Variants in REDIC1 observed in about 807,000 individuals in gnomAD.
The protein encoded by REDIC1 is HEI10 Interacting Protein 1.
chr12:39,872,265 A>C, the REDIC1 span, among the ~76,000 whole-genome samples: 1 of 152,214 alleles, frequency 6.6e-6, no homozygotes, highest in East Asian at 1.9e-4. Context: ...AGTTTCACTA[A>C]AACTGTATCA....
chr12:39,836,287 T>C, the REDIC1 span, among the ~76,000 whole-genome samples: 1 of 152,096 alleles, frequency 6.6e-6, no homozygotes, highest in African/African-American at 2.4e-5. Flanking sequence ...AATGCAGATA[T>C]ATTAGAAACT....
the REDIC1 span, among the ~76,000 whole-genome samples, chr12:39,631,770 A>T: frequency 2.0e-5 from 3 of 152,212 alleles, no homozygotes; most frequent in South Asian, 6.2e-4. Flanking sequence ...GTTGATTAAA[A>T]GTTCAACAGT....
the REDIC1 span, among the ~76,000 whole-genome samples, chr12:39,795,210 G>C: frequency 9.3e-4 from 140 of 151,250 alleles, 1 homozygote; most frequent in African/African-American, 3.2e-3. Flanking sequence ...CTCTCTCTGT[G>C]TGTGTCACAT....
chr12:39,711,361 A>T, the REDIC1 span, among the ~76,000 whole-genome samples: 1 of 147,094 alleles, frequency 6.8e-6, no homozygotes, highest in Non-Finnish European at 1.5e-5. Flanking sequence ...GTATATATAC[A>T]TATATACACA....
the REDIC1 span, among the ~76,000 whole-genome samples, chr12:39,665,326 G>A: frequency 6.6e-6 from 1 of 152,164 alleles, no homozygotes; most frequent in Non-Finnish European, 1.5e-5. Context: ...TTATTAAATA[G>A]GGAATCGTTT....
chr12:39,733,069 G>GCACACACACACACACA, the REDIC1 span, among the ~76,000 whole-genome samples: 68 of 148,450 alleles, frequency 4.6e-4, 1 homozygote, highest in South Asian at 9.2e-3. Context: ...GCAGAAAAAT[G>GCACACACACACACACA]CACACACACA....
chr12:39,750,074 CA>C, the REDIC1 span, among the ~76,000 whole-genome samples: 32 of 152,170 alleles, frequency 2.1e-4, no homozygotes. Flanking sequence ...CCAGGGCAAT[CA>C]GGCAGGAGAA....
the REDIC1 span, among the ~76,000 whole-genome samples, chr12:39,732,173 CT>C: frequency 2.6e-5 from 4 of 152,332 alleles, no homozygotes; most frequent in South Asian, 8.3e-4. Flanking sequence ...TTTTAGATCT[CT>C]TTTAAACTGC....
the REDIC1 span, among the ~76,000 whole-genome samples, chr12:39,640,634 A>G: frequency 6.6e-6 from 1 of 151,938 alleles, no homozygotes; most frequent in Non-Finnish European, 1.5e-5. Context: ...TTGCTATCAG[A>G]TAAGAATGTT....
chr12:39,760,237 T>C, the REDIC1 span: 2 of 1,612,020 alleles, frequency 1.2e-6, no homozygotes, highest in South Asian at 2.2e-5. Flanking sequence ...AAATCCAGCA[T>C]AGAGGAAGAA....
chr12:39,847,133 G>A, the REDIC1 span, among the ~76,000 whole-genome samples: 4 of 152,174 alleles, frequency 2.6e-5, no homozygotes, highest in African/African-American at 9.6e-5. Flanking sequence ...AATGAGCACA[G>A]AGAGAACTAA....
At chr12:39,895,317 C>T in the REDIC1 span, among the ~76,000 whole-genome samples, 1,763 of 151,148 alleles carry the variant, frequency 0.012, 20 homozygotes, top group Middle Eastern at 0.031. Flanking sequence ...GGGGAAATCC[C>T]GTCTCTACTA....
the REDIC1 span, among the ~76,000 whole-genome samples, chr12:39,776,250 T>C: frequency 9.3e-6 from 1 of 107,302 alleles, no homozygotes; most frequent in Non-Finnish European, 1.9e-5. Flanking sequence ...CTCAAAATGC[T>C]GGTTTCCATA....
chr12:39,893,528 G>C, the REDIC1 span, among the ~76,000 whole-genome samples: 1 of 152,202 alleles, frequency 6.6e-6, no homozygotes, highest in Non-Finnish European at 1.5e-5. Flanking sequence ...TCAAACTCCT[G>C]ACCTCAGGTG....
chr12:39,875,238 A>C, the REDIC1 span, among the ~76,000 whole-genome samples: 2 of 152,172 alleles, frequency 1.3e-5, no homozygotes, highest in African/African-American at 4.8e-5. Context: ...CTCCAGGGAA[A>C]AATCATTTCC....
the REDIC1 span, among the ~76,000 whole-genome samples, chr12:39,777,555 T>C: frequency 6.6e-6 from 1 of 152,178 alleles, no homozygotes; most frequent in African/African-American, 2.4e-5. Flanking sequence ...TTTGTTTTCC[T>C]GCACAAATGT....
the REDIC1 span, chr12:39,684,967 T>G: frequency 7.1e-7 from 1 of 1,406,406 alleles, no homozygotes; most frequent in Non-Finnish European, 1.0e-6. Flanking sequence ...ATTAAGTCAG[T>G]TTGTATTACC....
the REDIC1 span, among the ~76,000 whole-genome samples, chr12:39,812,837 T>C: frequency 1.6e-5 from 2 of 128,940 alleles, no homozygotes; most frequent in Non-Finnish European, 3.3e-5. Flanking sequence ...AGTATTACCT[T>C]TTTTTTTTTT....
At chr12:39,680,672 C>T in the REDIC1 span, among the ~76,000 whole-genome samples, 7 of 152,094 alleles carry the variant, frequency 4.6e-5, no homozygotes, top group African/African-American at 1.7e-4. Flanking sequence ...AAGACACTTG[C>T]ATGTGCATGT....
Sources: allele counts gnomAD v4.1 joint callset (sites outside exome capture counted in the v4.1 genomes callset), GRCh38; gene constraint gnomAD v4.1.1; transcripts MANE v1.5; gene names NCBI Gene and HGNC (gene_info 2026-07-23, HGNC 2026-07-21).